Variants in DPF3 observed in about 807,000 individuals in gnomAD.
DPF3 encodes the protein double PHD fingers 3.
DPF3 carries 18 observed loss-of-function variants against 56.8 expected under a neutral mutation model. The observed-to-expected ratio is 0.32, with a 90% confidence interval of 0.22 to 0.47. DPF3 has a LOEUF of 0.47. Ranked by LOEUF, DPF3 falls within the 20% of genes least tolerant of loss-of-function variation. The pLI is 1.00. For missense variants in DPF3, 403 were observed against 488.8 expected (o/e 0.82, Z 1.65); for synonymous variants, 188 against 180.2 (o/e 1.04, Z -0.35).
chr14:72,838,693 G>T (rs1157492089), intron 1 of DPF3, among the ~76,000 whole-genome samples: 1 of 151,258 alleles, frequency 6.6e-6, no homozygotes, highest in African/African-American at 2.4e-5. Context: ...GGAGGTGAAG[G>T]TTGCAGTGAG....
At chr14:72,630,754 A>C (rs1028748424) in intron 8 of DPF3, among the ~76,000 whole-genome samples, 1 of 152,218 alleles carries the variant, frequency 6.6e-6, no homozygotes, top group Non-Finnish European at 1.5e-5. Flanking sequence ...TGTCACAAAA[A>C]ACATTGACAG....
At chr14:72,759,543 G>C (rs12891338) in intron 2 of DPF3, among the ~76,000 whole-genome samples, 10 of 151,152 alleles carry the variant, frequency 6.6e-5, no homozygotes, top group African/African-American at 2.4e-4. Context: ...AAGAGAGACA[G>C]AGAGAGACAG....
intron 1 of DPF3, among the ~76,000 whole-genome samples, chr14:72,828,622 A>C (rs1883921190): frequency 6.6e-6 from 1 of 151,880 alleles, no homozygotes; most frequent in African/African-American, 2.4e-5. Flanking sequence ...CAATCTATGC[A>C]CAGAGAAGAG....
rs1884277134 is a variant in DPF3, at chr14:72,619,362, A to G, written c.1072T>C (p.Trp358Arg). Residue 358 changes from tryptophan (W) to arginine (R), a missense_variant, in exon 11 of 11, where the codon TGG becomes CGG. Around this residue, in one of 2 missense-constraint regions of DPF3, gnomAD observed 63 missense variants for 114.4 expected, o/e 0.55. Transcript: ENST00000556509. ...AGTTCCCAGCATAAGTGGCAGCTCC[A>G]GCTTCCTGCAAGAAATGAGACGGCT... Reference protein sequence around the residue: ...PPVAEPPEGSWSCHLCWELLK... With the variant: ...PPVAEPPEGSRSCHLCWELLK... 2 of 1,536,014 alleles carry G rather than the reference A, an allele frequency of 1.3e-6. No homozygotes were observed. The highest frequency in any genetic ancestry group is 1.4e-5 in the African/African-American group (1 of 73,060).
intron 1 of DPF3, among the ~76,000 whole-genome samples, chr14:72,876,262 C>G (rs1042572048): frequency 6.6e-6 from 1 of 152,194 alleles, no homozygotes; most frequent in Non-Finnish European, 1.5e-5. Context: ...CCTCACCCCA[C>G]CCCTCTGGGT....
chr14:72,747,301 T>C (rs746793080), intron 3 of DPF3, among the ~76,000 whole-genome samples: 2 of 152,074 alleles, frequency 1.3e-5, no homozygotes, highest in Non-Finnish European at 2.9e-5. Context: ...TTAACCAGAG[T>C]GTCCCATCCC....
chr14:72,620,530 G>A (rs1277608867), intron 9 of DPF3, among the ~76,000 whole-genome samples: 1 of 152,164 alleles, frequency 6.6e-6, no homozygotes, highest in Admixed American at 6.5e-5. Flanking sequence ...ACTGTCTGGA[G>A]GCTGGAGCCC....
At chr14:72,781,449 A>T (rs988541905) in intron 1 of DPF3, among the ~76,000 whole-genome samples, 3 of 152,212 alleles carry the variant, frequency 2.0e-5, no homozygotes, top group African/African-American at 7.2e-5. Flanking sequence ...CATGACTTCG[A>T]TGTGGCTCAG....
chr14:72,671,432 G>C (rs758630812), intron 8 of DPF3: 7 of 1,530,908 alleles, frequency 4.6e-6, no homozygotes, highest in Non-Finnish European at 6.3e-6. Context: ...ATTCTTAATA[G>C]CAAGATATAA....
chr14:72,761,784 G>A (rs1891078322), intron 2 of DPF3, among the ~76,000 whole-genome samples: 1 of 151,788 alleles, frequency 6.6e-6, no homozygotes, highest in Non-Finnish European at 1.5e-5. Context: ...CTATTTATTT[G>A]AAAAGATCAA....
intron 1 of DPF3, among the ~76,000 whole-genome samples, chr14:72,848,965 A>T (rs1884865145): frequency 6.6e-6 from 1 of 152,170 alleles, no homozygotes; most frequent in Admixed American, 6.5e-5. Context: ...ACATTATGGC[A>T]TTCATTTTCA....
At chr14:72,850,820 T>TGTGC (rs1555513074) in intron 1 of DPF3, among the ~76,000 whole-genome samples, 37 of 152,136 alleles carry the variant, frequency 2.4e-4, no homozygotes, top group Middle Eastern at 3.4e-3. Context: ...TGTGTGTGTG[T>TGTGC]GCGCACGCGC....
At chr14:72,880,515 CTT>C (rs1331945672) in intron 1 of DPF3, among the ~76,000 whole-genome samples, 1 of 152,200 alleles carries the variant, frequency 6.6e-6, no homozygotes, top group Non-Finnish European at 1.5e-5. Context: ...AAGGAGTAGA[CTT>C]TGCAGCCAAA....
chr14:72,670,532 T>G, intron 8 of DPF3: 1 of 951,986 alleles, frequency 1.1e-6, no homozygotes, highest in Non-Finnish European at 1.2e-6. Flanking sequence ...AGCCGCAAAC[T>G]CCGTGGGGCA....
At chr14:72,787,062 C>T (rs1377127594) in intron 1 of DPF3, among the ~76,000 whole-genome samples, 1 of 152,220 alleles carries the variant, frequency 6.6e-6, no homozygotes, top group South Asian at 2.1e-4. Context: ...CTGTCAAAGG[C>T]GATGGCGCCA....
intron 1 of DPF3, among the ~76,000 whole-genome samples, chr14:72,787,614 C>T (rs575417101): frequency 5.9e-5 from 9 of 152,282 alleles, no homozygotes; most frequent in South Asian, 2.1e-4. Context: ...TAGTCCAGTT[C>T]GCATCAAGGT....
chr14:72,743,844 A>C (rs1890227162), intron 3 of DPF3, among the ~76,000 whole-genome samples: 1 of 152,190 alleles, frequency 6.6e-6, no homozygotes, highest in African/African-American at 2.4e-5. Flanking sequence ...TGTGTTGTAG[A>C]ATTGTGATGT....
At chr14:72,803,759 C>T (rs1236732288) in intron 1 of DPF3, among the ~76,000 whole-genome samples, 1 of 152,232 alleles carries the variant, frequency 6.6e-6, no homozygotes, top group Non-Finnish European at 1.5e-5. Flanking sequence ...AATGCGTGAA[C>T]ACATGAATGA....
chr14:72,879,385 A>C (rs970532080), intron 1 of DPF3, among the ~76,000 whole-genome samples: 10 of 151,852 alleles, frequency 6.6e-5, no homozygotes, highest in Admixed American at 3.9e-4. Flanking sequence ...TCTCCAAAAA[A>C]AAAAAAAAAA....
Sources: allele counts gnomAD v4.1 joint callset (sites outside exome capture counted in the v4.1 genomes callset), GRCh38; gene constraint gnomAD v4.1.1; regional missense constraint gnomAD v4.1.1; transcripts MANE v1.5; gene names NCBI Gene and HGNC (gene_info 2026-07-23, HGNC 2026-07-21).